Variants in ASTN1 observed in about 807,000 individuals in gnomAD.
ASTN1 encodes astrotactin-1.
ASTN1 carries 41 observed loss-of-function variants against 140.7 expected under a neutral mutation model. That is an observed-to-expected ratio of 0.29 (90% CI 0.23 to 0.38). ASTN1 has a LOEUF of 0.38. Among genes scored for constraint, ASTN1 ranks in the 10% least tolerant of loss-of-function variants. The pLI, the probability that ASTN1 is intolerant of heterozygous loss-of-function variation, is 1.00. For synonymous variants in ASTN1, 640 were observed against 652.2 expected (o/e 0.98, Z 0.29); for missense variants, 1,479 against 1,678.8 (o/e 0.88, Z 2.08).
intron 1 of ASTN1, among the ~76,000 whole-genome samples, chr1:177,114,511 T>C (rs926455088): frequency 3.3e-5 from 5 of 152,152 alleles, no homozygotes; most frequent in Non-Finnish European, 7.4e-5. Flanking sequence ...TGTAGAATTA[T>C]ACCATGTATC....
intron 1 of ASTN1, among the ~76,000 whole-genome samples, chr1:177,082,496 G>A (rs1195262316): frequency 1.3e-5 from 2 of 152,134 alleles, no homozygotes; most frequent in African/African-American, 4.8e-5. Flanking sequence ...CTCTTCTGAA[G>A]TAGCCCCTTG....
intron 1 of ASTN1, among the ~76,000 whole-genome samples, chr1:177,157,220 G>A (rs1461238650): frequency 6.6e-6 from 1 of 152,228 alleles, no homozygotes; most frequent in Non-Finnish European, 1.5e-5. Flanking sequence ...AATAGTGAGA[G>A]AAACTGGGTA....
intron 1 of ASTN1, among the ~76,000 whole-genome samples, chr1:177,063,417 G>A (rs1375162029): frequency 1.3e-5 from 2 of 152,126 alleles, no homozygotes; most frequent in Admixed American, 1.3e-4. Flanking sequence ...GGCAGAGGGT[G>A]TGAGGACGGA....
At chr1:177,034,299 A>G (rs1456799321) in intron 2 of ASTN1, among the ~76,000 whole-genome samples, 1 of 151,746 alleles carries the variant, frequency 6.6e-6, no homozygotes, top group Non-Finnish European at 1.5e-5. Flanking sequence ...ACTTTCAAGC[A>G]GGCAGCACAG....
intron 16 of ASTN1, among the ~76,000 whole-genome samples, chr1:176,919,714 G>T (rs1354555733): frequency 6.6e-6 from 1 of 152,190 alleles, no homozygotes. Context: ...AATATATATA[G>T]AACCAATTAC....
intron 14 of ASTN1, among the ~76,000 whole-genome samples, chr1:176,941,527 GA>G (rs1226082540): frequency 6.6e-6 from 1 of 152,140 alleles, no homozygotes; most frequent in Non-Finnish European, 1.5e-5. Context: ...GCCAAATTAG[GA>G]GGTCCAATGG....
At chr1:177,035,381 T>C (rs1167104912) in intron 2 of ASTN1, among the ~76,000 whole-genome samples, 3 of 152,194 alleles carry the variant, frequency 2.0e-5, no homozygotes, top group African/African-American at 7.2e-5. Flanking sequence ...AGACCCATTG[T>C]CAGTTCTGGA....
At chr1:176,868,713 A>C in intron 22 of ASTN1, 131 bp downstream of exon 22, 1 of 989,064 alleles carries the variant, frequency 1.0e-6, no homozygotes, top group South Asian at 2.4e-5. Flanking sequence ...GTCTTAAATC[A>C]GAGGACTGAC....
chr1:177,111,072 G>A (rs1240866089), intron 1 of ASTN1, among the ~76,000 whole-genome samples: 1 of 152,144 alleles, frequency 6.6e-6, no homozygotes, highest in Admixed American at 6.5e-5. Context: ...ACAGTGGCAG[G>A]ATATTTAATT....
chr1:176,937,782 T>G (rs755677103), intron 14 of ASTN1, among the ~76,000 whole-genome samples: 1 of 152,158 alleles, frequency 6.6e-6, no homozygotes, highest in Non-Finnish European at 1.5e-5. Context: ...GTGTGGTGTG[T>G]GCACATGTCT....
intron 1 of ASTN1, among the ~76,000 whole-genome samples, chr1:177,158,244 T>C (rs977320692): frequency 6.6e-6 from 1 of 152,208 alleles, no homozygotes. Context: ...ATACTTTGGG[T>C]TTTTTATTAA....
At chr1:176,935,947 T>G (rs879724758) in intron 15 of ASTN1, 13 of 392,464 alleles carry the variant, frequency 3.3e-5, no homozygotes, top group Non-Finnish European at 6.3e-5. Flanking sequence ...TTCTCTCAAT[T>G]TGTAAAAAAT....
intron 1 of ASTN1, among the ~76,000 whole-genome samples, chr1:177,144,111 T>A (rs1203201322): frequency 6.6e-6 from 1 of 151,886 alleles, no homozygotes; most frequent in African/African-American, 2.4e-5. Context: ...TTTCACATGC[T>A]CTAATTTGTG....
Position 176,864,311 on chromosome 1 carries a change from G to A in ASTN1, c.3858C>T (p.Asn1286=), listed in dbSNP as rs766576098. The change falls in exon 23 of 23, where the codon AAC becomes AAT. Residue 1286 remains asparagine, a synonymous_variant. Coordinates refer to ENST00000361833, the MANE Select transcript of ASTN1 (RefSeq NM_004319.3). Reference sequence around the variant, plus strand: ...AGATCTCTTTGCTGTCCCCATAGTCGTTGTAGGGGATACTCAGGGTCTGCT... The same window carrying A: ...AGATCTCTTTGCTGTCCCCATAGTCATTGTAGGGGATACTCAGGGTCTGCT... ...CEEQTLSIPY[N]DYGDSKEI is the part of the protein sequence containing the mutation. The A allele has an allele frequency of 2.0e-5, 33 of 1,614,010 alleles. No individual in the cohort carries two copies. Among genetic ancestry groups the A allele is most frequent in the Admixed American group, 6.7e-5 (4 of 60,022 alleles).
At chr1:176,901,316 C>T (rs975101259) in intron 16 of ASTN1, among the ~76,000 whole-genome samples, 2 of 152,162 alleles carry the variant, frequency 1.3e-5, no homozygotes, top group African/African-American at 4.8e-5. Context: ...AGCACTTAAG[C>T]TTAAGAAAGG....
chr1:176,922,572 A>AAAAAAAAAAAAAAAAAAAAAAAAC (rs1670780880), intron 16 of ASTN1, among the ~76,000 whole-genome samples: 1 of 151,620 alleles, frequency 6.6e-6, no homozygotes. Flanking sequence ...AAAAAAAAAA[A>AAAAAAAAAAAAAAAAAAAAAAAAC]AAAAAAAAAT....
At chr1:177,027,563 A>G (rs1000305387) in intron 5 of ASTN1, among the ~76,000 whole-genome samples, 4 of 150,316 alleles carry the variant, frequency 2.7e-5, no homozygotes, top group Admixed American at 6.7e-5. Context: ...GTATATATTT[A>G]TAACTTGATG....
At chr1:176,884,264 G>A in intron 19 of ASTN1, 75 bp downstream of exon 19, 1 of 1,530,614 alleles carries the variant, frequency 6.5e-7, no homozygotes, top group South Asian at 1.2e-5. Flanking sequence ...GCAAAGCCAT[G>A]AGGCAGGGCA....
At chr1:177,050,656 C>G (rs1396913698) in intron 2 of ASTN1, among the ~76,000 whole-genome samples, 3 of 152,184 alleles carry the variant, frequency 2.0e-5, no homozygotes, top group Non-Finnish European at 2.9e-5. Context: ...ATTTAACAAA[C>G]TTTAGCAGAT....
Sources: gnomAD v4.1 joint callset for allele counts (sites outside exome capture counted in the v4.1 genomes callset) on GRCh38, gnomAD v4.1.1 for gene constraint, MANE v1.5 for transcripts, NCBI Gene and HGNC (gene_info 2026-07-23, HGNC 2026-07-21) for gene names.